The following NDUFA12 variants were observed in gnomAD, a reference collection of about 807,000 sequenced individuals.
NDUFA12 encodes the protein NADH:ubiquinone oxidoreductase subunit A12.
A neutral mutation model predicts 20.3 loss-of-function variants in NDUFA12; 17 were observed. The observed-to-expected ratio is 0.84, with a 90% CI of 0.57 to 1.26. The LOEUF is 1.26. Among genes scored for constraint, NDUFA12 ranks in the 50% most tolerant of loss-of-function variants. The pLI, the probability that NDUFA12 is intolerant of heterozygous loss-of-function variation, is 0.00. For synonymous variants in NDUFA12, 72 were observed against 63.6 expected, an observed-to-expected ratio of 1.13 and a Z score of -0.63; for missense variants, 191 against 183.7, an observed-to-expected ratio of 1.04 and a Z score of -0.23.
At chr12:95,001,337 T>C in intron 2 of NDUFA12, among the ~76,000 whole-genome samples, 1 of 151,502 alleles carries the variant, frequency 6.6e-6, no homozygotes, top group South Asian at 2.1e-4. Context: ...AAAAATGCTG[T>C]GGCCAGGCAC....
chr12:95,003,430 T>C (rs1271008016), intron 1 of NDUFA12, among the ~76,000 whole-genome samples, 165 bp downstream of exon 1: 1 of 152,120 alleles, frequency 6.6e-6, no homozygotes, highest in Non-Finnish European at 1.5e-5. Flanking sequence ...ATCGGGGATA[T>C]ATGGGACAGA....
In NDUFA12 at chr12:94,971,600, A is replaced by G. The variant is rs140235371; in HGVS notation, c.278T>C (p.Met93Thr). ...TTTTGTTGTTGGAGGATCATCAGTC[A>G]TACTGTGAAGCCAACGATGCCTTAA... Reference protein sequence around the residue: ...PPEWHRWLHSMTDDPPTTKPL... With the variant: ...PPEWHRWLHSTTDDPPTTKPL... Residue 93 changes from methionine (M) to threonine (T), a missense_variant, in exon 4 of 4, where the codon ATG becomes ACG. Transcript: ENST00000327772. 3.5e-4 allele frequency: 566 copies of G among 1,614,056 alleles called. No homozygotes were observed. Among genetic ancestry groups the G allele is most frequent in the Non-Finnish European group, 4.6e-4 (537 of 1,180,032 alleles).
At chr12:94,983,413 C>T (rs1171710284) in intron 3 of NDUFA12, among the ~76,000 whole-genome samples, 1 of 152,148 alleles carries the variant, frequency 6.6e-6, no homozygotes, top group East Asian at 1.9e-4. Context: ...GGAAGCCAGA[C>T]GCCATGTCAA....
intron 3 of NDUFA12, among the ~76,000 whole-genome samples, chr12:94,976,458 G>A (rs1874067770): frequency 6.6e-6 from 1 of 152,176 alleles, no homozygotes; most frequent in African/African-American, 2.4e-5. Flanking sequence ...ATATGCAAAT[G>A]TAGCATTTGC....
At chr12:94,988,270 A>G (rs1212415832) in intron 3 of NDUFA12, among the ~76,000 whole-genome samples, 1 of 152,146 alleles carries the variant, frequency 6.6e-6, no homozygotes, top group Non-Finnish European at 1.5e-5. Flanking sequence ...TTCATAGTGT[A>G]TCTTTGTTAC....
At position 95,002,766 on chromosome 12, in the gene NDUFA12, ATT is replaced by A. The variant is rs1462339613; in HGVS notation, c.140_141del (p.Lys47IlefsTer3). The A allele has an allele frequency of 1.9e-6, 3 of 1,613,902 alleles. No individual in the cohort carries two copies. The highest frequency in any genetic ancestry group is 2.2e-5 in the East Asian group (1 of 44,868). ...AAAAATTGCTTGTTGTCTTCATAGT[ATT>A]TGTTTCCATATTTGTCTTCCCCCAC... is the stretch of plus-strand genomic sequence containing the variant. ...TLVGEDKYGN[K>X]YYEDNKQFFG... On this transcript the variant is annotated frameshift_variant, in exon 2 of 4. Coordinates refer to ENST00000327772, the MANE Select transcript of NDUFA12 (RefSeq NM_018838.5). LOFTEE classifies it high-confidence loss of function.
intron 2 of NDUFA12, among the ~76,000 whole-genome samples, chr12:95,002,336 G>C (rs962757426): frequency 4.0e-5 from 6 of 150,240 alleles, no homozygotes; most frequent in Non-Finnish European, 8.9e-5. Context: ...AACTACTCAG[G>C]CAGGCTGAGG....
At chr12:94,994,285 G>T (rs760348991) in intron 2 of NDUFA12, 28 bp from the exon 3 acceptor site, 7 of 1,584,704 alleles carry the variant, frequency 4.4e-6, no homozygotes, top group Non-Finnish European at 6.1e-6. Context: ...CATTTAAAAA[G>T]AAAAACTTTT....
chr12:94,995,977 G>T (rs945586290), intron 2 of NDUFA12, among the ~76,000 whole-genome samples: 1 of 151,860 alleles, frequency 6.6e-6, no homozygotes, highest in Non-Finnish European at 1.5e-5. Context: ...GAAGGCTGAG[G>T]CAGGGGGATC....
chr12:94,985,626 C>CAAAA lies in NDUFA12; in HGVS notation c.257+8540_257+8543dup, dbSNP rs35674364. ...TGGGAGACAGAACAAGACTCCATCT[C>CAAAA]AAAAAAAAAAAAAAAAAAAAAGCGG... is the stretch of plus-strand genomic sequence containing the variant. On this transcript the variant is annotated intron_variant, in intron 3 of 3. Transcript: ENST00000327772. Among the ~76,000 whole-genome samples the CAAAA allele has an allele frequency of 2.2e-3, 95 of 43,340 alleles. 1 individual carries two copies. Among genetic ancestry groups the CAAAA allele is most frequent in the Non-Finnish European group, 2.7e-3 (62 of 23,322 alleles). 28.4% of individuals were successfully genotyped at this position (43,340 alleles called of 152,430 possible). A position where few individuals can be genotyped will look rare whatever the true frequency, so the allele number is the denominator to read the frequency against.
chr12:94,995,552 C>T (rs575646903), intron 2 of NDUFA12, among the ~76,000 whole-genome samples: 40 of 152,158 alleles, frequency 2.6e-4, no homozygotes, highest in Non-Finnish European at 5.0e-4. Context: ...TTATTGGAGA[C>T]GGAGTCTCGC....
chr12:94,983,025 C>T lies in NDUFA12; in HGVS notation c.257+11145G>A, dbSNP rs1407117548. ...GGCTAGTTTTCAACTGTCTACTCAC[C>T]TTCTCACGTGGTCGTCTATCAAGCT... is the stretch of plus-strand genomic sequence containing the variant. On this transcript the variant is annotated intron_variant, in intron 3 of 3. Coordinates refer to ENST00000327772, the MANE Select transcript of NDUFA12 (RefSeq NM_018838.5). Among the ~76,000 whole-genome samples the T allele has an allele frequency of 7.2e-5, 11 of 152,226 alleles. No individual in the cohort carries two copies. The East Asian group carries it at 2.1e-3, about 29-fold the overall frequency.
At position 94,994,187 on chromosome 12, in the gene NDUFA12, G is replaced by A; in HGVS notation, c.240C>T (p.Ser80=). The change falls in exon 3 of 4, where the codon AGC becomes AGT. Residue 80 remains serine (S), a synonymous_variant. Transcript: ENST00000327772. ...TAGCTTACCATTCAGGAGGCACCAT[G>A]CTTCCATCCACATCCCAGAATGTGT... The part of the protein sequence containing the change: ...GKNTFWDVDG[S]MVPPEWHRWL... 1 of 1,614,020 alleles carries A rather than the reference G, an allele frequency of 6.2e-7. No homozygotes were observed. Among genetic ancestry groups the A allele is most frequent in the Non-Finnish European group, 8.5e-7 (1 of 1,179,906 alleles).
At chr12:95,002,681 ACT>A (rs1875096639) in intron 2 of NDUFA12, 56 bp downstream of exon 2, 15 of 1,242,776 alleles carry the variant, frequency 1.2e-5, no homozygotes, top group Non-Finnish European at 1.5e-5. Flanking sequence ...TGGAAAATAG[ACT>A]CAAATCAAAT....
At chr12:94,997,534 T>A (rs1408740020) in intron 2 of NDUFA12, 1 of 152,160 alleles carries the variant, frequency 6.6e-6, no homozygotes, top group Non-Finnish European at 1.5e-5. Flanking sequence ...CAAGAGAGTA[T>A]TTTTTTATTA....
intron 2 of NDUFA12, among the ~76,000 whole-genome samples, chr12:94,996,451 G>T (rs979628894): frequency 2.0e-5 from 3 of 151,276 alleles, no homozygotes; most frequent in African/African-American, 7.3e-5. Flanking sequence ...TGGGATTACA[G>T]GCATGAGCCA....
At chr12:95,003,550 G>C in intron 1 of NDUFA12, 45 bp downstream of exon 1, 2 of 1,595,080 alleles carry the variant, frequency 1.3e-6, no homozygotes, top group Non-Finnish European at 1.7e-6. Context: ...ATCAGCCAGC[G>C]AAAGTCCAGC....
chr12:95,000,353 G>A (rs1874982700), intron 2 of NDUFA12, among the ~76,000 whole-genome samples: 1 of 152,142 alleles, frequency 6.6e-6, no homozygotes, highest in African/African-American at 2.4e-5. Context: ...TGGATACAGT[G>A]TAACACTGCT....
At chr12:94,996,786 T>G (rs1874847189) in intron 2 of NDUFA12, 1 of 187,970 alleles carries the variant, frequency 5.3e-6, no homozygotes, top group Admixed American at 6.8e-5. Flanking sequence ...GCCATGGCAC[T>G]CCAGCCTGGG....
Sources: allele counts gnomAD v4.1 joint callset (sites outside exome capture counted in the v4.1 genomes callset), GRCh38; gene constraint gnomAD v4.1.1; transcripts MANE v1.5; gene names NCBI Gene and HGNC (gene_info 2026-07-23, HGNC 2026-07-21).